Variants in RELN observed in about 807,000 individuals in gnomAD.
The protein encoded by RELN is reelin.
In RELN, 108 loss-of-function variants were observed where a neutral mutation model predicts 427.6. The observed-to-expected ratio is 0.25, with a 90% confidence interval of 0.22 to 0.30. The LOEUF (loss-of-function observed/expected upper bound fraction) is 0.30. RELN is among the 10% of genes least tolerant of loss of function. The pLI, the probability that RELN is intolerant of heterozygous loss-of-function variation, is 1.00. For missense variants in RELN, 3,715 were observed against 4,302.8 expected, an observed-to-expected ratio of 0.86 and a Z score of 3.82; for synonymous variants, 1,524 against 1,513.4, an observed-to-expected ratio of 1.01 and a Z score of -0.16.
chr7:103,613,587 C>T lies in RELN; in HGVS notation c.2703-1784G>A, dbSNP rs144717930. Among the ~76,000 whole-genome samples the T allele has an allele frequency of 3.2e-3, 482 of 152,282 alleles. 1 individual carries two copies. Among genetic ancestry groups the T allele is most frequent in the African/African-American group, 0.011 (441 of 41,556 alleles). The stretch of plus-strand genomic sequence containing the variant: ...AAGTAGGCAAAAGAAATCCCAAATG[C>T]TTATCTCTGTAAGAAATAGGCATTG... On this transcript the variant is annotated intron_variant, in intron 20 of 64. Transcript: ENST00000428762.
intron 3 of RELN, among the ~76,000 whole-genome samples, chr7:103,823,660 TA>T (rs1432136536): frequency 5.3e-5 from 8 of 151,808 alleles, no homozygotes; most frequent in African/African-American, 1.9e-4. Context: ...TATCCTAAAA[TA>T]ATTATTGGTA....
chr7:103,729,331 T>C (rs537997537), intron 6 of RELN, among the ~76,000 whole-genome samples: 2 of 152,110 alleles, frequency 1.3e-5, no homozygotes, highest in East Asian at 3.9e-4. Context: ...CCCATCCAAA[T>C]AGGAAGAAGA....
chr7:103,961,073 G>A (rs965647052), intron 1 of RELN, among the ~76,000 whole-genome samples: 2 of 152,232 alleles, frequency 1.3e-5, no homozygotes, highest in African/African-American at 4.8e-5. Context: ...CTAATGAACA[G>A]AGAAATATAA....
chr7:103,649,385 C>T (rs534712572), intron 16 of RELN, among the ~76,000 whole-genome samples: 26 of 152,004 alleles, frequency 1.7e-4, no homozygotes, highest in African/African-American at 5.3e-4. Context: ...ATAATGTGTA[C>T]ACATGGACAT....
intron 6 of RELN, among the ~76,000 whole-genome samples, chr7:103,744,114 C>A (rs997822414): frequency 6.6e-6 from 1 of 152,144 alleles, no homozygotes; most frequent in African/African-American, 2.4e-5. Flanking sequence ...GAAACTCACT[C>A]AAAACCGCTC....
At chr7:103,607,889 A>G (rs1831855673) in intron 22 of RELN, among the ~76,000 whole-genome samples, 1 of 152,186 alleles carries the variant, frequency 6.6e-6, no homozygotes, top group African/African-American at 2.4e-5. Flanking sequence ...TCTTATGTAA[A>G]TGTCTCTCAT....
chr7:103,661,780 G>T (rs1046245513), intron 11 of RELN, among the ~76,000 whole-genome samples: 1 of 152,022 alleles, frequency 6.6e-6, no homozygotes, highest in African/African-American at 2.4e-5. Context: ...TCTTGTATAC[G>T]GTGTGTCTAC....
intron 3 of RELN, among the ~76,000 whole-genome samples, chr7:103,810,749 T>C (rs1272014952): frequency 6.6e-6 from 1 of 152,210 alleles, no homozygotes; most frequent in Non-Finnish European, 1.5e-5. Flanking sequence ...TAAATACTGG[T>C]CATTGTAGCA....
Position 103,986,713 on chromosome 7 carries a change from T to A in RELN, c.226+2418A>T, listed in dbSNP as rs951550065. 2.4e-4 allele frequency among the ~76,000 whole-genome samples: 35 copies of A among 147,448 alleles called. 1 individual carries two copies. The highest frequency in any genetic ancestry group is 3.4e-3 in the Middle Eastern group (1 of 290). On this transcript the variant is annotated intron_variant, in intron 1 of 64. Coordinates refer to ENST00000428762, the MANE Select transcript of RELN (RefSeq NM_005045.4). The stretch of plus-strand genomic sequence containing the variant: ...ATTCAAATGGTGACTTCAATGTAAA[T>A]CATAAATGTGACTGATTTTTTCTGA...
At chr7:103,924,110 G>A (rs1584371493) in intron 1 of RELN, among the ~76,000 whole-genome samples, 1 of 152,174 alleles carries the variant, frequency 6.6e-6, no homozygotes, top group South Asian at 2.1e-4. Context: ...CCTCTATCTC[G>A]TGCTATGCCC....
chr7:103,597,325 A>G (rs972110562), intron 24 of RELN, among the ~76,000 whole-genome samples: 1 of 152,158 alleles, frequency 6.6e-6, no homozygotes, highest in Non-Finnish European at 1.5e-5. Context: ...ACTTGAGGCC[A>G]GGCGCGGTGG....
intron 2 of RELN, among the ~76,000 whole-genome samples, chr7:103,851,933 T>A (rs1197914188): frequency 2.0e-5 from 3 of 152,188 alleles, no homozygotes. Context: ...GTCTTGATGA[T>A]AACAGAGGCC....
intron 1 of RELN, among the ~76,000 whole-genome samples, chr7:103,952,797 A>G (rs1448795591): frequency 6.6e-6 from 1 of 152,252 alleles, no homozygotes; most frequent in Admixed American, 6.5e-5. Flanking sequence ...TTGTTTAAGC[A>G]TAAGGATGCT....
intron 1 of RELN, among the ~76,000 whole-genome samples, chr7:103,918,185 T>C (rs1584365782): frequency 6.6e-6 from 1 of 152,062 alleles, no homozygotes; most frequent in African/African-American, 2.4e-5. Flanking sequence ...CACATATCAA[T>C]AGAATAGCCT....
rs967143710 is a variant in RELN, at chr7:103,795,668, A to G, written c.474-19041T>C. Among the ~76,000 whole-genome samples, 4 of 152,334 alleles carry G rather than the reference A, an allele frequency of 2.6e-5. No individual in the cohort carries two copies. The East Asian group carries it at 7.7e-4, about 29-fold the overall frequency. ...TTGTTTTTGCAAACAAAGGCAGGTT[A>G]AAGGTATAGTCAAAAGTGAAAAGTA... On this transcript the variant is annotated intron_variant, in intron 3 of 64. Transcript: ENST00000428762.
chr7:103,840,540 T>G (rs1388699787), intron 2 of RELN, among the ~76,000 whole-genome samples: 1 of 152,084 alleles, frequency 6.6e-6, no homozygotes, highest in Admixed American at 6.5e-5. Flanking sequence ...ACTATTTAAA[T>G]GAATACAAGA....
Position 103,627,605 on chromosome 7 carries a change from C to G in RELN, c.2702+2335G>C, listed in dbSNP as rs149908854. 1.4e-3 allele frequency among the ~76,000 whole-genome samples: 211 copies of G among 150,082 alleles called. 3 individuals are homozygous for G. Among genetic ancestry groups the G allele is most frequent in the Middle Eastern group, 3.4e-3 (1 of 292 alleles). The stretch of plus-strand genomic sequence containing the variant: ...GTTTCTCTAGTCTCATTATCACCAC[C>G]AGGGTATACTCTCTGTTGTTTCATA... On this transcript the variant is annotated intron_variant, in intron 20 of 64. Coordinates refer to ENST00000428762, the MANE Select transcript of RELN (RefSeq NM_005045.4).
chr7:103,884,118 A>T (rs925653217), intron 2 of RELN, among the ~76,000 whole-genome samples: 8 of 152,214 alleles, frequency 5.3e-5, no homozygotes. Context: ...AGGCCTCAGA[A>T]ATAATGCCAC....
intron 1 of RELN, among the ~76,000 whole-genome samples, chr7:103,986,087 AC>A (rs1163642654): frequency 6.6e-6 from 1 of 152,134 alleles, no homozygotes; most frequent in African/African-American, 2.4e-5. Context: ...AAATGTTCTG[AC>A]CCTGAGACCT....
Sources: allele counts gnomAD v4.1 joint callset (sites outside exome capture counted in the v4.1 genomes callset), GRCh38; gene constraint gnomAD v4.1.1; transcripts MANE v1.5; gene names NCBI Gene and HGNC (gene_info 2026-07-23, HGNC 2026-07-21).